Variants in DSCAM observed in about 807,000 individuals in gnomAD.
DSCAM encodes cell adhesion molecule DSCAM.
Under a neutral mutation model 217.7 loss-of-function variants are expected in DSCAM, and 47 were observed. The observed-to-expected ratio is 0.22, with a 90% CI of 0.17 to 0.28. The LOEUF (loss-of-function observed/expected upper bound fraction) is 0.28. Ranked by LOEUF, DSCAM falls within the 10% of genes least tolerant of loss-of-function variation. The probability of loss-of-function intolerance (pLI) is 1.00; values close to 1 mark genes in which losing one functional copy is unlikely to be tolerated. For missense variants in DSCAM, 2,080 were observed against 2,618.3 expected (o/e 0.79, Z 4.49); for synonymous variants, 1,056 against 1,015.3 (o/e 1.04, Z -0.76).
At chr21:40,047,224 G>A (rs962159953) in intron 30 of DSCAM, among the ~76,000 whole-genome samples, 6 of 151,990 alleles carry the variant, frequency 3.9e-5, no homozygotes, top group Admixed American at 1.3e-4. Context: ...CCATTGTTTT[G>A]TACCTGAACT....
intron 3 of DSCAM, among the ~76,000 whole-genome samples, chr21:40,433,439 G>C (rs2075555172): frequency 6.6e-6 from 1 of 151,534 alleles, no homozygotes; most frequent in African/African-American, 2.4e-5. Context: ...CTGTTCATAT[G>C]GGCTCCTTCT....
intron 3 of DSCAM, among the ~76,000 whole-genome samples, chr21:40,664,222 G>C (rs1280021685): frequency 6.6e-6 from 1 of 152,210 alleles, no homozygotes; most frequent in Non-Finnish European, 1.5e-5. Flanking sequence ...TATAGAACCA[G>C]TGGTAAAGTC....
At chr21:40,188,645 A>G (rs779446762) in intron 12 of DSCAM, among the ~76,000 whole-genome samples, 60 of 149,376 alleles carry the variant, frequency 4.0e-4, no homozygotes, top group Admixed American at 5.9e-4. Context: ...GATTTTTCCA[A>G]AGAAGCAAGA....
At chr21:40,051,868 G>A (rs554480398) in intron 30 of DSCAM, 90 bp downstream of exon 30, 2 of 1,488,526 alleles carry the variant, frequency 1.3e-6, no homozygotes, top group African/African-American at 2.8e-5. Context: ...GGTATGAAAA[G>A]CCACACATTT....
At chr21:40,346,787 C>A (rs1269060349) in intron 6 of DSCAM, among the ~76,000 whole-genome samples, 1 of 152,216 alleles carries the variant, frequency 6.6e-6, no homozygotes, top group Admixed American at 6.5e-5. Context: ...CTAGGGACAA[C>A]TGCACCAAAC....
chr21:40,488,807 C>T (rs944956602), intron 3 of DSCAM, among the ~76,000 whole-genome samples: 1 of 152,156 alleles, frequency 6.6e-6, no homozygotes, highest in Non-Finnish European at 1.5e-5. Flanking sequence ...CCAGAATCAC[C>T]TTTACTGGAC....
chr21:40,091,485 T>C (rs1033535309), intron 21 of DSCAM, among the ~76,000 whole-genome samples: 24 of 152,122 alleles, frequency 1.6e-4, no homozygotes, highest in Non-Finnish European at 2.9e-4. Flanking sequence ...TAACCGCCTT[T>C]GCTTGTGCTC....
chr21:40,496,047 A>T (rs1017196397), intron 3 of DSCAM, among the ~76,000 whole-genome samples: 2 of 152,338 alleles, frequency 1.3e-5, no homozygotes, highest in East Asian at 3.9e-4. Context: ...AAATTGAAAA[A>T]TATTCTATGT....
At chr21:40,729,915 ATC>A in intron 1 of DSCAM, among the ~76,000 whole-genome samples, 1 of 152,324 alleles carries the variant, frequency 6.6e-6, no homozygotes, top group Non-Finnish European at 1.5e-5. Context: ...CAGTTTGCCT[ATC>A]ACACTAGAAT....
chr21:40,748,564 C>T (rs571370354), intron 1 of DSCAM, among the ~76,000 whole-genome samples: 13 of 152,000 alleles, frequency 8.6e-5, no homozygotes, highest in South Asian at 6.2e-4. Flanking sequence ...AACTATAAAA[C>T]GCCAATGAAA....
intron 3 of DSCAM, among the ~76,000 whole-genome samples, chr21:40,456,957 C>G (rs990520885): frequency 2.6e-5 from 4 of 152,010 alleles, no homozygotes; most frequent in African/African-American, 9.7e-5. Flanking sequence ...AATTACTGTA[C>G]AGAAATCAAT....
chr21:40,395,851 T>C (rs1285010368), intron 3 of DSCAM, among the ~76,000 whole-genome samples: 2 of 152,220 alleles, frequency 1.3e-5, no homozygotes, highest in African/African-American at 4.8e-5. Context: ...AGTGACAGTG[T>C]GACCTGATCA....
chr21:40,450,211 A>T (rs142802874), intron 3 of DSCAM, among the ~76,000 whole-genome samples: 450 of 152,360 alleles, frequency 3.0e-3, no homozygotes, highest in Non-Finnish European at 5.3e-3. Flanking sequence ...AAACAACGTA[A>T]CATAAAATAA....
At chr21:40,557,617 G>A (rs2076682455) in intron 3 of DSCAM, among the ~76,000 whole-genome samples, 1 of 152,132 alleles carries the variant, frequency 6.6e-6, no homozygotes. Context: ...TGACAGGCGT[G>A]AGCCACCATG....
intron 3 of DSCAM, among the ~76,000 whole-genome samples, chr21:40,536,444 C>T (rs1284682954): frequency 6.6e-6 from 1 of 150,742 alleles, no homozygotes; most frequent in African/African-American, 2.5e-5. Flanking sequence ...CTGTGTCCCC[C>T]AGGCTGGAGT....
chr21:40,182,670 A>AG (rs146687835), intron 14 of DSCAM, among the ~76,000 whole-genome samples: 3 of 17,032 alleles, frequency 1.8e-4, no homozygotes, highest in East Asian at 4.2e-3. Context: ...AACCGTGGAC[A>AG]GGGGGGGGTT....
intron 11 of DSCAM, among the ~76,000 whole-genome samples, chr21:40,250,297 TA>T (rs1569023303): frequency 6.6e-6 from 1 of 152,170 alleles, no homozygotes; most frequent in Non-Finnish European, 1.5e-5. Context: ...TGGTGTTTTT[TA>T]AAAAAGTCAA....
At chr21:40,317,707 A>G (rs1363002207) in intron 8 of DSCAM, among the ~76,000 whole-genome samples, 1 of 151,718 alleles carries the variant, frequency 6.6e-6, no homozygotes, top group Non-Finnish European at 1.5e-5. Context: ...TTTTTTTTGT[A>G]TTTTTAGTAG....
intron 16 of DSCAM, among the ~76,000 whole-genome samples, chr21:40,146,380 G>A (rs2090357886): frequency 6.6e-6 from 1 of 152,136 alleles, no homozygotes; most frequent in African/African-American, 2.4e-5. Flanking sequence ...ACAGAGTGGA[G>A]CAAGACCTTG....
Sources: allele counts gnomAD v4.1 joint callset (sites outside exome capture counted in the v4.1 genomes callset), GRCh38; gene constraint gnomAD v4.1.1; transcripts MANE v1.5; gene names NCBI Gene and HGNC (gene_info 2026-07-23, HGNC 2026-07-21).